Variants in DIP2C observed in about 807,000 individuals in gnomAD.
The protein encoded by DIP2C is DIP2 acetate--CoA ligase C (putative).
DIP2C carries 33 observed loss-of-function variants against 192.4 expected under a neutral mutation model. The ratio of observed to expected loss-of-function variants is 0.17; its 90% CI spans 0.13 to 0.23. The LOEUF (loss-of-function observed/expected upper bound fraction) is 0.23, where lower values mean the gene tolerates loss of function less well. Among genes scored for constraint, DIP2C ranks in the 10% least tolerant of loss-of-function variants. The pLI is 1.00. For synonymous variants in DIP2C, 979 were observed against 864.1 expected (o/e 1.13, Z -2.33); for missense variants, 1,537 against 2,110.1 (o/e 0.73, Z 5.32).
At chr10:477,826 AAGG>A (rs1298277846) in intron 2 of DIP2C, among the ~76,000 whole-genome samples, 1 of 138,612 alleles carries the variant, frequency 7.2e-6, no homozygotes, top group African/African-American at 2.8e-5. Flanking sequence ...AACAAGAGAG[AAGG>A]AGAAGGGAGA....
chr10:466,533 A>G (rs1322736348), intron 3 of DIP2C, among the ~76,000 whole-genome samples: 16 of 135,464 alleles, frequency 1.2e-4, no homozygotes, highest in Non-Finnish European at 1.8e-4. Flanking sequence ...GACAAAATTG[A>G]CAAATGGGAT....
At chr10:309,288 G>A (rs934724960) in intron 32 of DIP2C, among the ~76,000 whole-genome samples, 1 of 152,016 alleles carries the variant, frequency 6.6e-6, no homozygotes, top group African/African-American at 2.4e-5. Context: ...CTCTCACCAA[G>A]AACTCCACTT....
rs1285137114 is a variant in DIP2C at position 382,636 on chromosome 10, T to G, written c.1991+11A>C. 1 of 1,605,630 alleles carries G rather than the reference T, an allele frequency of 6.2e-7. No individual in the cohort carries two copies. The highest frequency in any genetic ancestry group is 1.7e-4 in the Middle Eastern group (1 of 6,046). On this transcript the variant is annotated intron_variant, in intron 17 of 36. Transcript: ENST00000280886. The stretch of plus-strand genomic sequence containing the variant: ...TCTAGGTTATCTACGTAAATCAACA[T>G]GACCCAGTACCTCCGGATGGCCACA...
chr10:662,062 G>A (rs777924708), intron 1 of DIP2C: 7 of 717,030 alleles, frequency 9.8e-6, no homozygotes, highest in South Asian at 3.0e-5. Context: ...ACAGCATACC[G>A]CACATCAAAG....
rs186645046 is a variant in DIP2C at position 515,171 on chromosome 10, C to T, written c.86-28641G>A. ...ATCCAATTGGTTCTTTAAAGTGTTA[C>T]AAATGCAGCTGAGTTTTAATAGTAA... On this transcript the variant is annotated intron_variant, in intron 1 of 36. Coordinates refer to ENST00000280886, the MANE Select transcript of DIP2C (RefSeq NM_014974.3). Among the ~76,000 whole-genome samples, 545 of 152,208 alleles carry T rather than the reference C, an allele frequency of 3.6e-3. 2 individuals carry two copies. Among genetic ancestry groups the T allele is most frequent in the Non-Finnish European group, 4.4e-3 (296 of 68,018 alleles).
chr10:484,666 C>A, intron 2 of DIP2C: 1 of 1,386,252 alleles, frequency 7.2e-7, no homozygotes, highest in Admixed American at 2.6e-5. Flanking sequence ...GAGAATGGGA[C>A]CCTCAGGCCC....
intron 1 of DIP2C, among the ~76,000 whole-genome samples, chr10:596,180 C>T (rs987010561): frequency 6.6e-6 from 1 of 151,964 alleles, no homozygotes; most frequent in Non-Finnish European, 1.5e-5. Context: ...TAAAAGTAAC[C>T]TAAGTATTGA....
At chr10:580,227 GTA>G (rs2131582702) in intron 1 of DIP2C, among the ~76,000 whole-genome samples, 1 of 151,410 alleles carries the variant, frequency 6.6e-6, no homozygotes, top group African/African-American at 2.4e-5. Flanking sequence ...ATATATGTCA[GTA>G]CACTAACATA....
At chr10:544,099 A>G (rs1848151987) in intron 1 of DIP2C, among the ~76,000 whole-genome samples, 1 of 152,214 alleles carries the variant, frequency 6.6e-6, no homozygotes, top group Non-Finnish European at 1.5e-5. Flanking sequence ...GACCTTTGGT[A>G]CTGCCATCTT....
chr10:532,544 T>TATGGGTGTGA (rs1554892908), intron 1 of DIP2C, among the ~76,000 whole-genome samples: 2 of 113,320 alleles, frequency 1.8e-5, no homozygotes, highest in African/African-American at 7.7e-5. Context: ...AGTATGGGTG[T>TATGGGTGTGA]GAGAGAGTAT....
At chr10:387,494 G>A (rs1257386017) in intron 14 of DIP2C, among the ~76,000 whole-genome samples, 1 of 143,304 alleles carries the variant, frequency 7.0e-6, no homozygotes, top group East Asian at 2.1e-4. Flanking sequence ...CAGTGCGGGC[G>A]GCGGGGGGGC....
Position 598,631 on chromosome 10 carries a change from C to T in DIP2C, c.85+90863G>A, listed in dbSNP as rs1851865649. Among the ~76,000 whole-genome samples, 5 of 151,524 alleles carry T rather than the reference C, an allele frequency of 3.3e-5. No homozygotes were observed. In the South Asian group the frequency reaches 8.4e-4, roughly 25 times the overall value. The stretch of plus-strand genomic sequence containing the variant: ...CAGAGGCTGCTTCCTCAAATTCTTT[C>T]CCCTTGATGAAGTCATTCATTCCCC... On this transcript the variant is annotated intron_variant, in intron 1 of 36. Transcript: ENST00000280886.
At chr10:457,167 A>AC (rs1969370755) in intron 3 of DIP2C, among the ~76,000 whole-genome samples, 1 of 152,128 alleles carries the variant, frequency 6.6e-6, no homozygotes, top group South Asian at 2.1e-4. Flanking sequence ...AAGCGTGATG[A>AC]CTTCCAAGCT....
intron 9 of DIP2C, among the ~76,000 whole-genome samples, chr10:405,838 C>G (rs1406818864): frequency 6.6e-6 from 1 of 152,192 alleles, no homozygotes; most frequent in Non-Finnish European, 1.5e-5. Context: ...CCTCACACAG[C>G]CGGCCCTGCT....
intron 7 of DIP2C, among the ~76,000 whole-genome samples, chr10:414,880 GTGTGTGTGTGTATA>G (rs1467326770): frequency 9.6e-5 from 6 of 62,460 alleles, no homozygotes; most frequent in South Asian, 1.7e-3. Flanking sequence ...GTGTGTGTGT[GTGTGTGTGTGTATA>G]TATATATATA....
chr10:298,447 C>T (rs147431609), intron 32 of DIP2C, among the ~76,000 whole-genome samples: 113 of 152,330 alleles, frequency 7.4e-4, no homozygotes, highest in African/African-American at 2.6e-3. Context: ...CAGGTTTTCC[C>T]CGTCCCTTCC....
chr10:445,315 T>C (rs548059571), intron 3 of DIP2C, among the ~76,000 whole-genome samples: 1 of 151,662 alleles, frequency 6.6e-6, no homozygotes. Context: ...TCTGTATACA[T>C]CTGTTGTGAA....
At chr10:603,755 A>T (rs1357771458) in intron 1 of DIP2C, among the ~76,000 whole-genome samples, 1 of 152,214 alleles carries the variant, frequency 6.6e-6, no homozygotes, top group Non-Finnish European at 1.5e-5. Context: ...GCAACAAATT[A>T]CCACACACGC....
At chr10:684,854 C>G (rs1831252486) in intron 1 of DIP2C, among the ~76,000 whole-genome samples, 1 of 152,084 alleles carries the variant, frequency 6.6e-6, no homozygotes, top group Non-Finnish European at 1.5e-5. Flanking sequence ...CACACACAGC[C>G]AGGCACGGTG....
Sources: gnomAD v4.1 joint callset for allele counts (sites outside exome capture counted in the v4.1 genomes callset) on GRCh38, gnomAD v4.1.1 for gene constraint, MANE v1.5 for transcripts, NCBI Gene and HGNC (gene_info 2026-07-23, HGNC 2026-07-21) for gene names.